TRDN: variants seen among roughly 807,000 people sequenced by gnomAD.
TRDN encodes triadin in skeletal muscle.
A neutral mutation model predicts 149.7 loss-of-function variants in TRDN; 161 were observed. That is an observed-to-expected ratio of 1.08 (90% CI 0.95 to 1.23). TRDN has a LOEUF of 1.23. Among genes scored for constraint, TRDN ranks in the 50% most tolerant of loss-of-function variants. The pLI, the probability that TRDN is intolerant of heterozygous loss-of-function variation, is 0.00. For synonymous variants in TRDN, 294 were observed against 250.5 expected (o/e 1.17, Z -1.64); for missense variants, 896 against 823.5 (o/e 1.09, Z -1.08).
At chr6:123,430,953 A>AATATCATAGTAAGTAACAAG (rs1193434300) in intron 12 of TRDN, among the ~76,000 whole-genome samples, 3 of 152,220 alleles carry the variant, frequency 2.0e-5, no homozygotes, top group Non-Finnish European at 4.4e-5. Flanking sequence ...TTCCAGAGCT[A>AATATCATAGTAAGTAACAAG]ATATCATAGT....
At chr6:123,477,915 C>T (rs1476622859) in intron 9 of TRDN, among the ~76,000 whole-genome samples, 4 of 52,156 alleles carry the variant, frequency 7.7e-5, no homozygotes, top group African/African-American at 2.2e-4. Flanking sequence ...GTTGTGGGGT[C>T]GGGGGAGGGG....
At chr6:123,434,247 T>C (rs1774461715) in intron 12 of TRDN, among the ~76,000 whole-genome samples, 1 of 152,238 alleles carries the variant, frequency 6.6e-6, no homozygotes, top group South Asian at 2.1e-4. Flanking sequence ...TGATAGCCTC[T>C]TTCAACTTCC....
chr6:123,358,179 G>A lies in TRDN; in HGVS notation c.1322-5593C>T, dbSNP rs7773314. On this transcript the variant is annotated intron_variant, in intron 20 of 40. Coordinates refer to ENST00000334268, the MANE Select transcript of TRDN (RefSeq NM_006073.4). ...CTCTTTTTTCTACTTTTGTAGAAGC[G>A]TATTTTAGAAAAAAAAATAGATTCT... Among the ~76,000 whole-genome samples the A allele has an allele frequency of 9.9e-3, 1,499 of 151,934 alleles. 8 individuals are homozygous for A. The highest frequency in any genetic ancestry group is 0.015 in the African/African-American group (614 of 41,414).
At chr6:123,224,282 A>C in intron 38 of TRDN, 151 bp from the exon 39 acceptor site, 1 of 661,124 alleles carries the variant, frequency 1.5e-6, no homozygotes, top group South Asian at 1.9e-5. Flanking sequence ...CTGTCTGACC[A>C]AAACAGGCAC....
chr6:123,337,670 C>T lies in TRDN; in HGVS notation c.1370-1G>A. The T allele has an allele frequency of 6.9e-7, 1 of 1,457,334 alleles. No homozygotes were observed. The highest frequency in any genetic ancestry group is 9.2e-7 in the Non-Finnish European group (1 of 1,087,490). The allele number at this position is 1,457,334 out of a possible 1,614,324, so 90.3% of individuals were successfully genotyped here. On this transcript the variant is annotated splice_acceptor_variant, in intron 21 of 40. Transcript: ENST00000334268. LOFTEE classifies it high-confidence loss of function. ...TTCCCAGATTTTTCTTTTCTAATTT[C>T]TGCAAGAGAGATCATGGGAAGAAAA... is the stretch of plus-strand genomic sequence containing the variant.
chr6:123,503,439 A>G, intron 8 of TRDN: 2 of 985,306 alleles, frequency 2.0e-6, no homozygotes, highest in South Asian at 9.4e-5. Context: ...AAAATTCAAC[A>G]TTTATCCCCA....
At chr6:123,503,588 A>G (rs1778790475) in intron 8 of TRDN, 131 bp downstream of exon 8, 1 of 1,478,982 alleles carries the variant, frequency 6.8e-7, no homozygotes, top group Non-Finnish European at 8.9e-7. Flanking sequence ...TTTCTGATAT[A>G]TTTACTTTAA....
At chr6:123,244,126 C>T (rs758519093) in intron 38 of TRDN, among the ~76,000 whole-genome samples, 8 of 152,094 alleles carry the variant, frequency 5.3e-5, no homozygotes, top group Non-Finnish European at 7.4e-5. Flanking sequence ...GATAAATCCA[C>T]GAAGATGAGA....
intron 1 of TRDN, among the ~76,000 whole-genome samples, chr6:123,624,802 G>C (rs543539046): frequency 1.9e-4 from 29 of 152,178 alleles, no homozygotes; most frequent in African/African-American, 7.0e-4. Flanking sequence ...AGCGTATGTG[G>C]GGATGGAAAT....
At position 123,636,681 on chromosome 6, in the gene TRDN, C is replaced by T. The variant is rs1018532791; in HGVS notation, c.22+73G>A. ...AAAGCAACATTTTAAATGGACACAT[C>T]GACAGTTAATGTGGCTGTCGATTTG... On this transcript the variant is annotated intron_variant, in intron 1 of 40. Transcript: ENST00000334268. The T allele has an allele frequency of 3.9e-6, 6 of 1,547,272 alleles. 1 individual carries two copies. The African/African-American group carries it at 4.1e-5, about 11-fold the overall frequency.
intron 8 of TRDN, 84 bp from the exon 9 acceptor site, chr6:123,497,336 AC>A: frequency 4.6e-6 from 4 of 862,888 alleles, no homozygotes; most frequent in Non-Finnish European, 6.7e-6. Context: ...AACAAAGCAA[AC>A]AAAATAGCAC....
chr6:123,508,013 G>GT (rs1047141834), intron 7 of TRDN, among the ~76,000 whole-genome samples: 1 of 151,068 alleles, frequency 6.6e-6, no homozygotes, highest in African/African-American at 2.4e-5. Context: ...AATCGCCACT[G>GT]TAACTGCCTC....
chr6:123,319,796 G>T (rs1330606150), intron 23 of TRDN, among the ~76,000 whole-genome samples: 1 of 152,120 alleles, frequency 6.6e-6, no homozygotes, highest in Non-Finnish European at 1.5e-5. Context: ...CAGGCAGCCT[G>T]CCATTTCCTA....
At chr6:123,373,826 C>A (rs1781410695) in intron 19 of TRDN, among the ~76,000 whole-genome samples, 1 of 152,066 alleles carries the variant, frequency 6.6e-6, no homozygotes. Flanking sequence ...AGGTTATATA[C>A]AGAAAACTAT....
intron 1 of TRDN, among the ~76,000 whole-genome samples, chr6:123,611,825 G>A (rs1458731923): frequency 6.6e-6 from 1 of 152,132 alleles, no homozygotes; most frequent in African/African-American, 2.4e-5. Context: ...GTTTGGTGGA[G>A]ATTTTTGGAT....
intron 38 of TRDN, among the ~76,000 whole-genome samples, chr6:123,225,116 C>G (rs1285748514): frequency 3.5e-5 from 5 of 142,200 alleles, no homozygotes; most frequent in East Asian, 3.9e-4. Context: ...TACAAATGAC[C>G]AACAGGCACG....
rs1461181667 is a variant in TRDN at position 123,266,213 on chromosome 6, ATT to A, written c.1784-877_1784-876del. Among the ~76,000 whole-genome samples, 294 of 71,354 alleles carry A rather than the reference ATT, an allele frequency of 4.1e-3. 34 individuals carry two copies. In the East Asian group the frequency reaches 0.07, roughly 17 times the overall value. 46.8% of individuals were successfully genotyped at this position (71,354 alleles called of 152,430 possible). On this transcript the variant is annotated intron_variant, in intron 32 of 40. Transcript: ENST00000334268. ...ATAATATGTATTATATATTATATAT[ATT>A]ATAATATGTATTATATATTATATAT...
intron 5 of TRDN, among the ~76,000 whole-genome samples, chr6:123,522,158 C>G (rs1014449720): frequency 6.6e-6 from 1 of 152,088 alleles, no homozygotes; most frequent in African/African-American, 2.4e-5. Flanking sequence ...TCTGAGGTCA[C>G]TTTTTCACCC....
chr6:123,463,458 A>G (rs931800004), intron 10 of TRDN, among the ~76,000 whole-genome samples: 3 of 152,060 alleles, frequency 2.0e-5, no homozygotes, highest in African/African-American at 7.2e-5. Flanking sequence ...ATTGCTAAGC[A>G]AAATATTTGC....
Sources: allele counts gnomAD v4.1 joint callset (sites outside exome capture counted in the v4.1 genomes callset), GRCh38; gene constraint gnomAD v4.1.1; transcripts MANE v1.5; gene names NCBI Gene and HGNC (gene_info 2026-07-23, HGNC 2026-07-21).